PLXNA4: variants seen among roughly 807,000 people sequenced by gnomAD.
The protein encoded by PLXNA4 is plexin A4.
Under a neutral mutation model 191.8 loss-of-function variants are expected in PLXNA4, and 44 were observed. The observed-to-expected ratio is 0.23, with a 90% CI of 0.18 to 0.29. The LOEUF (loss-of-function observed/expected upper bound fraction) is 0.29. PLXNA4 is among the 10% of genes least tolerant of loss of function. The pLI, the probability that PLXNA4 is intolerant of heterozygous loss-of-function variation, is 1.00. For missense variants in PLXNA4, 1,800 were observed against 2,488.8 expected (o/e 0.72, Z 5.89); for synonymous variants, 1,082 against 1,009.5 (o/e 1.07, Z -1.36).
chr7:132,626,458 A>C (rs1228490862), intron 2 of PLXNA4, among the ~76,000 whole-genome samples: 1 of 152,210 alleles, frequency 6.6e-6, no homozygotes, highest in African/African-American at 2.4e-5. Context: ...TGATTGGATC[A>C]TGAAGATGGA....
At chr7:132,453,159 C>T (rs1796188729) in intron 3 of PLXNA4, among the ~76,000 whole-genome samples, 1 of 152,112 alleles carries the variant, frequency 6.6e-6, no homozygotes, top group African/African-American at 2.4e-5. Context: ...TGAACAAATG[C>T]AAATCCTATG....
intron 1 of PLXNA4, among the ~76,000 whole-genome samples, chr7:132,550,564 T>A (rs901502325): frequency 6.6e-6 from 1 of 152,170 alleles, no homozygotes; most frequent in African/African-American, 2.4e-5. Flanking sequence ...TCAGCTAATT[T>A]AAAAAATCAG....
chr7:132,206,665 G>A (rs1797631845), intron 10 of PLXNA4, among the ~76,000 whole-genome samples: 2 of 152,064 alleles, frequency 1.3e-5, no homozygotes, highest in East Asian at 3.9e-4. Flanking sequence ...CATTGTTCCT[G>A]GAGGCTCTCT....
intron 5 of PLXNA4, among the ~76,000 whole-genome samples, chr7:132,238,810 C>A (rs1798785852): frequency 6.6e-6 from 1 of 151,260 alleles, no homozygotes; most frequent in South Asian, 2.1e-4. Flanking sequence ...AACAGAGTCA[C>A]AAGAGGGGGG....
intron 29 of PLXNA4, among the ~76,000 whole-genome samples, chr7:132,142,903 A>G (rs1166107854): frequency 6.6e-6 from 1 of 152,154 alleles, no homozygotes; most frequent in South Asian, 2.1e-4. Flanking sequence ...TTTCTTCCCT[A>G]TGCTTCCCGG....
intron 3 of PLXNA4, among the ~76,000 whole-genome samples, chr7:132,471,904 C>T (rs1796949108): frequency 6.6e-6 from 1 of 152,194 alleles, no homozygotes; most frequent in Non-Finnish European, 1.5e-5. Context: ...TGTTTGTTTT[C>T]TCAGAATTTA....
chr7:132,468,915 C>A (rs980390984), intron 3 of PLXNA4, among the ~76,000 whole-genome samples: 100 of 152,044 alleles, frequency 6.6e-4, no homozygotes, highest in African/African-American at 2.3e-3. Flanking sequence ...GGAATTTCAA[C>A]AGGCACTGAG....
At chr7:132,344,031 G>T (rs1803142787) in intron 3 of PLXNA4, among the ~76,000 whole-genome samples, 2 of 152,116 alleles carry the variant, frequency 1.3e-5, no homozygotes, top group Non-Finnish European at 2.9e-5. Flanking sequence ...CACTCACCAC[G>T]CCTGCCCATA....
At chr7:132,514,805 C>G (rs942393630) in intron 1 of PLXNA4, among the ~76,000 whole-genome samples, 2 of 61,908 alleles carry the variant, frequency 3.2e-5, no homozygotes, top group African/African-American at 1.6e-4. Flanking sequence ...TCTCTATGCA[C>G]ACACACACAC....
At chr7:132,580,954 A>C (rs919235745), upstream of PLXNA4, among the ~76,000 whole-genome samples, 1 of 152,196 alleles carries the variant, frequency 6.6e-6, no homozygotes, top group Non-Finnish European at 1.5e-5. Flanking sequence ...CAGAGGAGGC[A>C]AGAGGAGCCT....
At chr7:132,562,727 G>GTCCTCCTCCTTC (rs1473353976) in intron 1 of PLXNA4, among the ~76,000 whole-genome samples, 1 of 30,190 alleles carries the variant, frequency 3.3e-5, no homozygotes, top group Non-Finnish European at 6.1e-5. Flanking sequence ...CCTTTTCCTC[G>GTCCTCCTCCTTC]TCCTCCTCCT....
chr7:132,618,436 C>T (rs1051614196), intron 2 of PLXNA4, among the ~76,000 whole-genome samples: 9 of 152,024 alleles, frequency 5.9e-5, no homozygotes, highest in African/African-American at 2.2e-4. Context: ...GGCCCTGGCA[C>T]TTGGTAGGTT....
chr7:132,601,644 C>T (rs1383545710), intron 2 of PLXNA4, among the ~76,000 whole-genome samples: 5 of 152,192 alleles, frequency 3.3e-5, no homozygotes, highest in African/African-American at 4.8e-5. Flanking sequence ...TCCTTGTACC[C>T]GGAAGCTTTC....
chr7:132,348,581 A>G (rs1803345516), intron 3 of PLXNA4, among the ~76,000 whole-genome samples: 1 of 152,204 alleles, frequency 6.6e-6, no homozygotes, highest in African/African-American at 2.4e-5. Flanking sequence ...CTGCAAGCAC[A>G]TGGCCCTGAG....
intron 3 of PLXNA4, among the ~76,000 whole-genome samples, chr7:132,350,938 G>A (rs935336662): frequency 1.3e-5 from 2 of 152,208 alleles, no homozygotes; most frequent in African/African-American, 4.8e-5. Flanking sequence ...TCCATACAAT[G>A]GAATATTAGT....
chr7:132,333,406 G>T (rs1585004031), intron 3 of PLXNA4, among the ~76,000 whole-genome samples: 1 of 152,228 alleles, frequency 6.6e-6, no homozygotes, highest in East Asian at 1.9e-4. Context: ...GGAAGAGGGA[G>T]GTGGGGAGGT....
chr7:132,481,300 G>C (rs1054793692), intron 3 of PLXNA4, among the ~76,000 whole-genome samples: 5 of 152,026 alleles, frequency 3.3e-5, no homozygotes, highest in Non-Finnish European at 5.9e-5. Context: ...TGAGCAACAG[G>C]CTCCAGGGTA....
At chr7:132,368,723 C>T (rs566474832) in intron 3 of PLXNA4, among the ~76,000 whole-genome samples, 2 of 152,322 alleles carry the variant, frequency 1.3e-5, no homozygotes, top group Admixed American at 1.3e-4. Context: ...CTGAGAAGAA[C>T]TGACAAGCAG....
chr7:132,479,659 C>T (rs1357630944), intron 3 of PLXNA4, among the ~76,000 whole-genome samples: 1 of 152,092 alleles, frequency 6.6e-6, no homozygotes. Context: ...TTTTATTAAC[C>T]ATTTTTTTGG....
Sources: allele counts gnomAD v4.1 joint callset (sites outside exome capture counted in the v4.1 genomes callset), GRCh38; gene constraint gnomAD v4.1.1; transcripts MANE v1.5; gene names NCBI Gene and HGNC (gene_info 2026-07-23, HGNC 2026-07-21).